Variants in METAP1D observed in about 807,000 individuals in gnomAD.
The protein encoded by METAP1D is methionyl aminopeptidase type 1D, mitochondrial.
In METAP1D, 31 loss-of-function variants were observed where a neutral mutation model predicts 40.5. The observed-to-expected ratio is 0.77, with a 90% CI of 0.58 to 1.03. The LOEUF (loss-of-function observed/expected upper bound fraction) is 1.03. Among genes scored for constraint, METAP1D ranks in the 50% least tolerant of loss-of-function variants. The pLI is 0.00. For synonymous variants in METAP1D, 151 were observed against 146.4 expected (o/e 1.03, Z -0.22); for missense variants, 411 against 420.7 (o/e 0.98, Z 0.20).
intron 1 of METAP1D, among the ~76,000 whole-genome samples, chr2:172,006,098 AT>A (rs1209278958): frequency 1.5e-4 from 23 of 152,160 alleles, no homozygotes; most frequent in African/African-American, 5.3e-4. Context: ...AAATATCAAT[AT>A]TTCTGTATAT....
At chr2:172,055,824 T>C (rs1689990108) in intron 1 of METAP1D, among the ~76,000 whole-genome samples, 1 of 152,156 alleles carries the variant, frequency 6.6e-6, no homozygotes. Flanking sequence ...TGTCAACAGA[T>C]TGGATATGTT....
intron 1 of METAP1D, among the ~76,000 whole-genome samples, chr2:172,055,092 T>C (rs544288780): frequency 3.3e-5 from 5 of 152,312 alleles, no homozygotes; most frequent in African/African-American, 1.2e-4. Flanking sequence ...CACTGGTGTC[T>C]CTAAAAACAT....
chr2:172,047,573 A>G (rs1553495010), intron 1 of METAP1D, among the ~76,000 whole-genome samples: 1 of 152,080 alleles, frequency 6.6e-6, no homozygotes, highest in Non-Finnish European at 1.5e-5. Context: ...AGCTGGGACT[A>G]CAGGAGCATG....
intron 1 of METAP1D, among the ~76,000 whole-genome samples, chr2:172,029,060 C>G (rs923024641): frequency 9.2e-5 from 14 of 152,146 alleles, no homozygotes; most frequent in African/African-American, 2.9e-4. Context: ...TACTGAGACT[C>G]TAGAGAGAAT....
rs979716984 is a variant in METAP1D, at chr2:171,999,982, A to G, written c.13A>G (p.Ser5Gly). 4 of 1,352,292 alleles carry G rather than the reference A, an allele frequency of 3.0e-6. No individual in the cohort carries two copies. The highest frequency in any genetic ancestry group is 1.8e-5 in the South Asian group (1 of 54,306). 83.8% of individuals were successfully genotyped at this position (1,352,292 alleles called of 1,614,324 possible). Residue 5 changes from serine to glycine, a missense_variant, in exon 1 of 10, where the codon AGT (serine) becomes GGT (glycine). By Grantham distance (56) the Ser-to-Gly change is moderately conservative. Transcript: ENST00000315796. MAAP[S>G]GVHLLVRRGS... The stretch of plus-strand genomic sequence containing the variant: ...GACCGACGCCAACATGGCGGCGCCC[A>G]GTGGCGTCCACCTGCTCGTCCGCAG...
At chr2:172,035,591 T>A (rs1056498725) in intron 1 of METAP1D, among the ~76,000 whole-genome samples, 1 of 152,208 alleles carries the variant, frequency 6.6e-6, no homozygotes, top group African/African-American at 2.4e-5. Context: ...TAGTATTCAC[T>A]TTCTTGCTTA....
At chr2:172,028,988 A>G (rs542576978) in intron 1 of METAP1D, among the ~76,000 whole-genome samples, 8 of 152,236 alleles carry the variant, frequency 5.3e-5, no homozygotes, top group Non-Finnish European at 1.2e-4. Context: ...TGAACAAAGT[A>G]GGAAAATAGA....
intron 1 of METAP1D, among the ~76,000 whole-genome samples, chr2:172,017,058 T>C (rs1295261754): frequency 6.6e-6 from 1 of 152,160 alleles, no homozygotes; most frequent in Non-Finnish European, 1.5e-5. Flanking sequence ...TATCACATTT[T>C]AAAATCACGT....
At chr2:172,069,473 C>T (rs888709063) in intron 5 of METAP1D, among the ~76,000 whole-genome samples, 1 of 152,080 alleles carries the variant, frequency 6.6e-6, no homozygotes, top group African/African-American at 2.4e-5. Flanking sequence ...ATAGTCTTCC[C>T]TACTGTTTCC....
chr2:172,068,505 A>T (rs1223457474), intron 5 of METAP1D, among the ~76,000 whole-genome samples: 1 of 150,560 alleles, frequency 6.6e-6, no homozygotes, highest in South Asian at 2.1e-4. Context: ...GTATATAGTG[A>T]ATCTTTTAAG....
intron 1 of METAP1D, among the ~76,000 whole-genome samples, chr2:172,002,653 A>T (rs1017608896): frequency 6.6e-6 from 1 of 152,106 alleles, no homozygotes; most frequent in African/African-American, 2.4e-5. Flanking sequence ...TGGACTACCC[A>T]TAGCTAGTTT....
intron 1 of METAP1D, among the ~76,000 whole-genome samples, chr2:172,028,534 ATGTGTGTCTGTGTGTGTGTGTGTGTGTG>A (rs1317701122): frequency 8.0e-6 from 1 of 124,332 alleles, no homozygotes; most frequent in African/African-American, 3.1e-5. Context: ...AGACTTCTGT[ATGTGTGTCTGTGTGTGTGTGTGTGTGTG>A]TGTGTGTGTG....
chr2:172,034,094 C>A (rs200507826), intron 1 of METAP1D, among the ~76,000 whole-genome samples: 128,040 of 137,252 alleles, frequency 0.93, 59,465 homozygotes, highest in Non-Finnish European at 0.98. Flanking sequence ...AAAAAAAAAA[C>A]AAAAGTCCTC....
rs533315017 is a variant in METAP1D, at chr2:172,002,913, A to T, written c.40+2904A>T. 9.2e-5 allele frequency among the ~76,000 whole-genome samples: 14 copies of T among 152,196 alleles called. No individual in the cohort carries two copies. In the South Asian group the frequency reaches 2.5e-3, roughly 27 times the overall value. On this transcript the variant is annotated intron_variant, in intron 1 of 9. Transcript: ENST00000315796. ...ATGAGGTTTCTCTTGTGACGCCTCA[A>T]CTCATTGTGGCTTTGGTCACAGTAT...
At chr2:172,065,497 G>A in intron 3 of METAP1D, 107 bp from the exon 4 acceptor site, 1 of 1,093,976 alleles carries the variant, frequency 9.1e-7, no homozygotes, top group Non-Finnish European at 1.3e-6. Context: ...CTTTATCATA[G>A]TAAATTTATA....
intron 1 of METAP1D, among the ~76,000 whole-genome samples, chr2:172,046,065 T>G (rs1187495188): frequency 6.7e-6 from 1 of 149,542 alleles, no homozygotes; most frequent in Non-Finnish European, 1.5e-5. Flanking sequence ...TTAATTACAC[T>G]TTGGTATCTC....
chr2:172,032,375 C>T (rs1477808073), intron 1 of METAP1D, among the ~76,000 whole-genome samples: 1 of 152,144 alleles, frequency 6.6e-6, no homozygotes, highest in East Asian at 1.9e-4. Flanking sequence ...ACTCAACCTT[C>T]CCTGTAGAAA....
chr2:172,025,807 G>A (rs995442053), intron 1 of METAP1D, among the ~76,000 whole-genome samples: 4 of 152,002 alleles, frequency 2.6e-5, no homozygotes, highest in African/African-American at 9.7e-5. Flanking sequence ...TGGACTCAGC[G>A]TGCCTGTCTT....
chr2:172,001,531 C>G (rs899786571), intron 1 of METAP1D, among the ~76,000 whole-genome samples: 2 of 151,052 alleles, frequency 1.3e-5, no homozygotes, highest in Non-Finnish European at 2.9e-5. Context: ...GAGCGAGACT[C>G]CGTCTCAGAA....
Sources: gnomAD v4.1 joint callset for allele counts (sites outside exome capture counted in the v4.1 genomes callset) on GRCh38, gnomAD v4.1.1 for gene constraint, MANE v1.5 for transcripts, NCBI Gene and HGNC (gene_info 2026-07-23, HGNC 2026-07-21) for gene names.